Variants in UBE2D2 observed in about 807,000 individuals in gnomAD.
The protein encoded by UBE2D2 is ubiquitin-conjugating enzyme E2 D2.
In UBE2D2, 2 loss-of-function variants were observed where a neutral mutation model predicts 24.2. The observed-to-expected ratio is 0.08, with a 90% CI of 0.03 to 0.26. UBE2D2 has a LOEUF of 0.26. Among genes scored for constraint, UBE2D2 ranks in the 10% least tolerant of loss-of-function variants. The pLI, the probability that UBE2D2 is intolerant of heterozygous loss-of-function variation, is 1.00. For missense variants in UBE2D2, 44 were observed against 177.6 expected, an observed-to-expected ratio of 0.25 and a Z score of 4.28; for synonymous variants, 58 against 56.5, an observed-to-expected ratio of 1.03 and a Z score of -0.12.
chr5:139,589,264 G>GA (rs907019871), intron 1 of UBE2D2, among the ~76,000 whole-genome samples: 9 of 148,354 alleles, frequency 6.1e-5, no homozygotes, highest in East Asian at 2.0e-4. Context: ...GTCTCTTAAA[G>GA]AAAAAAAAAA....
intron 1 of UBE2D2, among the ~76,000 whole-genome samples, chr5:139,597,324 G>A (rs954398734): frequency 6.6e-6 from 1 of 152,164 alleles, no homozygotes; most frequent in African/African-American, 2.4e-5. Context: ...ACATCATGTA[G>A]CCTTATGTCT....
Position 139,541,248 on chromosome 5 carries a change from A to G in UBE2D2, c.-64+14636A>G, listed in dbSNP as rs185446655. 5.9e-5 allele frequency among the ~76,000 whole-genome samples: 9 copies of G among 151,586 alleles called. No homozygotes were observed. In the East Asian group the frequency reaches 1.8e-3, roughly 30 times the overall value. On this transcript the variant is annotated intron_variant, in intron 1 of 6. Transcript: ENST00000511725. Reference sequence around the variant, plus strand: ...GAGAGATGGAGGTTGCAGTGAACTGAGATCTGGCCATTGTACTCCAGCCTG... The same window carrying G: ...GAGAGATGGAGGTTGCAGTGAACTGGGATCTGGCCATTGTACTCCAGCCTG...
rs779144243 is a variant in UBE2D2 at position 139,561,746 on chromosome 5, C to G, written c.-46C>G. On this transcript the variant is annotated 5_prime_UTR_variant, in exon 1 of 7. Coordinates refer to ENST00000398733, the MANE Select transcript of UBE2D2 (RefSeq NM_003339.3). ...CCCTAGCCCCTTCCCCGTCCCTTCC[C>G]CGCCCCCGTCCCCGCCCCGGGGGCC... 1.4e-6 allele frequency: 2 copies of G among 1,423,004 alleles called. No homozygotes were observed. Among genetic ancestry groups the G allele is most frequent in the Non-Finnish European group, 1.9e-6 (2 of 1,070,812 alleles). 88.1% of individuals were successfully genotyped at this position (1,423,004 alleles called of 1,614,324 possible). A position where few individuals can be genotyped will look rare whatever the true frequency, so the allele number is the denominator to read the frequency against.
At chr5:139,587,951 A>T (rs1373392665) in intron 1 of UBE2D2, among the ~76,000 whole-genome samples, 1 of 152,104 alleles carries the variant, frequency 6.6e-6, no homozygotes, top group East Asian at 1.9e-4. Flanking sequence ...CGAGCCCCGT[A>T]TTTAAAGGTG....
chr5:139,562,764 A>G (rs11745986), intron 1 of UBE2D2, among the ~76,000 whole-genome samples: 9,322 of 152,228 alleles, frequency 0.061, 333 homozygotes, highest in South Asian at 0.11. Context: ...ATACATCTAG[A>G]CTATAAGATT....
intron 1 of UBE2D2, chr5:139,562,236 T>G: frequency 1.5e-6 from 2 of 1,366,006 alleles, no homozygotes; most frequent in Non-Finnish European, 1.9e-6. Flanking sequence ...CTCCCACACC[T>G]GCCCTAGCTC....
At chr5:139,552,618 C>T (rs1226069146) in intron 1 of UBE2D2, among the ~76,000 whole-genome samples, 2 of 148,928 alleles carry the variant, frequency 1.3e-5, no homozygotes, top group African/African-American at 2.5e-5. Context: ...AAGTGATTCT[C>T]CTGCCTCAGC....
intron 1 of UBE2D2, among the ~76,000 whole-genome samples, chr5:139,598,326 T>A (rs1215471074): frequency 1.3e-5 from 2 of 152,122 alleles, no homozygotes; most frequent in Admixed American, 6.6e-5. Context: ...ACTCTTGTAG[T>A]TTTAAAGTAT....
intron 1 of UBE2D2, among the ~76,000 whole-genome samples, chr5:139,590,741 C>A (rs4519969): frequency 1 from 148,111 of 148,120 alleles, 74,051 homozygotes; most frequent in Non-Finnish European, 1. Context: ...AAGACTGGGC[C>A]AAGCTGGGTT....
At chr5:139,601,396 G>C (rs1429599723) in intron 2 of UBE2D2, among the ~76,000 whole-genome samples, 2 of 152,096 alleles carry the variant, frequency 1.3e-5, no homozygotes, top group Non-Finnish European at 1.5e-5. Flanking sequence ...TTGAGCCCAG[G>C]AGTTCAAGAC....
intron 1 of UBE2D2, among the ~76,000 whole-genome samples, chr5:139,548,193 A>AAAAAAAT: frequency 3.8e-4 from 18 of 47,086 alleles, no homozygotes; most frequent in South Asian, 6.6e-4. Context: ...ATAAAAAAAA[A>AAAAAAAT]AAATAAATAA....
chr5:139,550,567 A>G (rs1466572136), intron 1 of UBE2D2, among the ~76,000 whole-genome samples: 3 of 152,082 alleles, frequency 2.0e-5, no homozygotes, highest in Non-Finnish European at 4.4e-5. Flanking sequence ...TTCCACGCTC[A>G]CGCTATGGGA....
At position 139,561,553 on chromosome 5, in the gene UBE2D2, C is replaced by T; in HGVS notation, c.-239C>T. Reference sequence around the variant, plus strand: ...GCAGCTACGGCGGCGGCGGCGGTGGCGGCTAGGGCGGCGGCGAATAAAGGG... The same window carrying T: ...GCAGCTACGGCGGCGGCGGCGGTGGTGGCTAGGGCGGCGGCGAATAAAGGG... On this transcript the variant is annotated 5_prime_UTR_variant, in exon 1 of 7. Transcript: ENST00000398733. 4.8e-6 allele frequency: 2 copies of T among 418,258 alleles called. No homozygotes were observed. Among genetic ancestry groups the T allele is most frequent in the East Asian group, 7.2e-5 (2 of 27,890 alleles). 25.9% of individuals were successfully genotyped at this position (418,258 alleles called of 1,614,324 possible).
upstream of UBE2D2, among the ~76,000 whole-genome samples, chr5:139,559,582 G>T (rs577810280): frequency 6.6e-6 from 1 of 152,148 alleles, no homozygotes; most frequent in South Asian, 2.1e-4. Flanking sequence ...TCTCTCACTG[G>T]GTGCACGGTG....
intron 1 of UBE2D2, among the ~76,000 whole-genome samples, chr5:139,531,007 T>C (rs541408889): frequency 6.6e-6 from 1 of 152,194 alleles, no homozygotes; most frequent in Non-Finnish European, 1.5e-5. Context: ...TATCAATCTA[T>C]TGCACAAAAA....
chr5:139,546,810 C>A (rs1459428761), intron 1 of UBE2D2, among the ~76,000 whole-genome samples: 2 of 128,256 alleles, frequency 1.6e-5, no homozygotes, highest in Non-Finnish European at 3.3e-5. Flanking sequence ...TTTCTTTCTT[C>A]TTTCTTTCTT....
intron 2 of UBE2D2, among the ~76,000 whole-genome samples, chr5:139,603,832 C>A (rs187906109): frequency 9.9e-5 from 15 of 151,262 alleles, no homozygotes; most frequent in African/African-American, 3.6e-4. Context: ...AGCTGTAATC[C>A]CATCTATTTG....
chr5:139,577,479 T>C (rs1374860307), intron 1 of UBE2D2, among the ~76,000 whole-genome samples: 1 of 146,586 alleles, frequency 6.8e-6, no homozygotes, highest in Non-Finnish European at 1.5e-5. Flanking sequence ...AATGGGGTGA[T>C]CTCGGCTCAC....
In UBE2D2 at chr5:139,570,746, C is replaced by T. The variant is rs141444522; in HGVS notation, c.24+8931C>T. 2.0e-3 allele frequency among the ~76,000 whole-genome samples: 306 copies of T among 152,134 alleles called. 10 individuals are homozygous for T. In the East Asian group the frequency reaches 0.059, roughly 29 times the overall value. On this transcript the variant is annotated intron_variant, in intron 1 of 6. Coordinates refer to ENST00000398733, the MANE Select transcript of UBE2D2 (RefSeq NM_003339.3). The stretch of plus-strand genomic sequence containing the variant: ...CAGGATGGTCTCGATCTCCTGACCT[C>T]GTGATCCACCCACCTCGGCTGGTTT...
Sources: gnomAD v4.1 joint callset for allele counts (sites outside exome capture counted in the v4.1 genomes callset) on GRCh38, gnomAD v4.1.1 for gene constraint, MANE v1.5 for transcripts, NCBI Gene and HGNC (gene_info 2026-07-23, HGNC 2026-07-21) for gene names.